The following ALCAM variants were observed in gnomAD, a reference collection of about 807,000 sequenced individuals.
ALCAM encodes CD166 antigen.
Under a neutral mutation model 70.9 loss-of-function variants are expected in ALCAM, and 30 were observed. The ratio of observed to expected loss-of-function variants is 0.42; its 90% CI spans 0.32 to 0.57. The LOEUF (loss-of-function observed/expected upper bound fraction) is 0.57. ALCAM is among the 20% of genes least tolerant of loss of function. ALCAM has a pLI of 0.11. For missense variants in ALCAM, 591 were observed against 695.1 expected (o/e 0.85, Z 1.68); for synonymous variants, 249 against 242.5 (o/e 1.03, Z -0.25).
intron 10 of ALCAM, 49 bp from the exon 11 acceptor site, chr3:105,547,341 T>C (rs1452115195): frequency 6.3e-7 from 1 of 1,576,114 alleles, no homozygotes; most frequent in Admixed American, 1.9e-5. Context: ...TTTACCTGGT[T>C]TCTTTTATGA....
At position 105,535,759 on chromosome 3, in the gene ALCAM, A is replaced by C. The variant is rs921621337; in HGVS notation, c.730+914A>C. Among the ~76,000 whole-genome samples, 6 of 152,152 alleles carry C rather than the reference A, an allele frequency of 3.9e-5. No homozygotes were observed. The East Asian group carries it at 5.8e-4, about 15-fold the overall frequency. On this transcript the variant is annotated intron_variant, in intron 6 of 15. Coordinates refer to ENST00000306107, the MANE Select transcript of ALCAM (RefSeq NM_001627.4). ...AAATGCAATAAAGGATTTTCTTCTTATTATTAATTTATCTAAAATTTTTGT... is the reference window on the plus strand; with the variant it reads ...AAATGCAATAAAGGATTTTCTTCTTCTTATTAATTTATCTAAAATTTTTGT...
At chr3:105,546,806 T>G (rs1940259152) in intron 9 of ALCAM, among the ~76,000 whole-genome samples, 1 of 151,430 alleles carries the variant, frequency 6.6e-6, no homozygotes, top group Non-Finnish European at 1.5e-5. Context: ...AGTTGCCTGC[T>G]TAGGAGCATT....
intron 1 of ALCAM, among the ~76,000 whole-genome samples, chr3:105,490,259 C>T (rs779822254): frequency 5.3e-5 from 8 of 152,184 alleles, no homozygotes; most frequent in Non-Finnish European, 8.8e-5. Context: ...TCCATTCCTA[C>T]CCTTTCACAA....
At chr3:105,465,545 G>C (rs1937693925) in intron 1 of ALCAM, among the ~76,000 whole-genome samples, 1 of 151,438 alleles carries the variant, frequency 6.6e-6, no homozygotes, top group African/African-American at 2.4e-5. Context: ...GATTGGACTA[G>C]TTTGTTACCA....
intron 14 of ALCAM, among the ~76,000 whole-genome samples, chr3:105,571,112 G>A (rs1468345155): frequency 2.6e-5 from 4 of 152,172 alleles, no homozygotes; most frequent in Admixed American, 2.6e-4. Context: ...AGCCGCTAAG[G>A]CATTGGTTTT....
intron 3 of ALCAM, among the ~76,000 whole-genome samples, chr3:105,526,167 G>A (rs193098189): frequency 1.8e-4 from 27 of 151,772 alleles, no homozygotes; most frequent in Admixed American, 1.3e-3. Flanking sequence ...TCATTGTCAG[G>A]TTTCATTTTT....
At chr3:105,493,005 C>T (rs542959893) in intron 1 of ALCAM, among the ~76,000 whole-genome samples, 1 of 152,052 alleles carries the variant, frequency 6.6e-6, no homozygotes, top group African/African-American at 2.4e-5. Flanking sequence ...AAATTAAGTA[C>T]TTTAGATATT....
intron 1 of ALCAM, among the ~76,000 whole-genome samples, chr3:105,468,199 T>C (rs9637375): frequency 0.19 from 28,273 of 151,328 alleles, 2,806 homozygotes; most frequent in East Asian, 0.37. Flanking sequence ...ACCAAACTCT[T>C]GGCTTTGCCG....
At chr3:105,548,722 G>C (rs1940314901) in intron 11 of ALCAM, among the ~76,000 whole-genome samples, 1 of 151,424 alleles carries the variant, frequency 6.6e-6, no homozygotes, top group African/African-American at 2.4e-5. Flanking sequence ...CATATAAGAG[G>C]AGGCAAAGAA....
intron 14 of ALCAM, 195 bp downstream of exon 14, chr3:105,552,780 A>G: frequency 2.1e-6 from 3 of 1,397,012 alleles, no homozygotes; most frequent in East Asian, 2.7e-5. Flanking sequence ...GGCTTGGGAT[A>G]CTGTTTCACA....
At chr3:105,459,455 G>A (rs1304468863) in intron 1 of ALCAM, among the ~76,000 whole-genome samples, 3 of 151,924 alleles carry the variant, frequency 2.0e-5, no homozygotes, top group Non-Finnish European at 4.4e-5. Context: ...ATGACAAATA[G>A]TACATGTTCA....
At chr3:105,500,167 C>A (rs1938878268) in intron 1 of ALCAM, among the ~76,000 whole-genome samples, 1 of 151,146 alleles carries the variant, frequency 6.6e-6, no homozygotes, top group South Asian at 2.1e-4. Context: ...CCACCAGTTT[C>A]CACATTATTT....
At chr3:105,413,157 T>C (rs1280183917) in intron 1 of ALCAM, among the ~76,000 whole-genome samples, 2 of 152,220 alleles carry the variant, frequency 1.3e-5, no homozygotes, top group Middle Eastern at 3.4e-3. Flanking sequence ...CTCCATTTCT[T>C]CGACTGTAAA....
At position 105,462,058 on chromosome 3, in the gene ALCAM, C is replaced by A. The variant is rs187100344; in HGVS notation, c.74-58009C>A. On this transcript the variant is annotated intron_variant, in intron 1 of 15. Coordinates refer to ENST00000306107, the MANE Select transcript of ALCAM (RefSeq NM_001627.4). Reference sequence around the variant, plus strand: ...AATTTTGAATATGGACATACTATATCAAGAGCAAATAGTTGTGCCAATATT... The same window carrying A: ...AATTTTGAATATGGACATACTATATAAAGAGCAAATAGTTGTGCCAATATT... 4.6e-3 allele frequency among the ~76,000 whole-genome samples: 692 copies of A among 151,638 alleles called. 6 individuals carry two copies. The highest frequency in any genetic ancestry group is 6.4e-3 in the South Asian group (31 of 4,816).
At chr3:105,379,239 A>G (rs1475161454) in intron 1 of ALCAM, among the ~76,000 whole-genome samples, 1 of 151,938 alleles carries the variant, frequency 6.6e-6, no homozygotes, top group Non-Finnish European at 1.5e-5. Flanking sequence ...TTTTTCAGTA[A>G]CCTAATAATA....
intron 11 of ALCAM, 21 bp from the exon 12 acceptor site, chr3:105,550,106 C>T (rs1940355682): frequency 3.2e-6 from 5 of 1,568,894 alleles, no homozygotes; most frequent in Middle Eastern, 1.7e-4. Flanking sequence ...TCTAAACCCA[C>T]CTTTTTTCTT....
At chr3:105,473,571 A>T (rs1391837864) in intron 1 of ALCAM, among the ~76,000 whole-genome samples, 1 of 151,654 alleles carries the variant, frequency 6.6e-6, no homozygotes, top group Non-Finnish European at 1.5e-5. Context: ...ACATAGCTGG[A>T]TAAGAATTAC....
intron 6 of ALCAM, among the ~76,000 whole-genome samples, chr3:105,536,071 G>A (rs138730699): frequency 4.0e-4 from 60 of 151,446 alleles, no homozygotes; most frequent in African/African-American, 1.3e-3. Flanking sequence ...ACTTTTTTAG[G>A]TGAAGGCAGA....
chr3:105,453,121 A>G (rs914510366), intron 1 of ALCAM, among the ~76,000 whole-genome samples: 2 of 152,094 alleles, frequency 1.3e-5, no homozygotes, highest in Non-Finnish European at 2.9e-5. Context: ...AATTACTTTT[A>G]GCATTTTTGT....
Sources: gnomAD v4.1 joint callset for allele counts (sites outside exome capture counted in the v4.1 genomes callset) on GRCh38, gnomAD v4.1.1 for gene constraint, MANE v1.5 for transcripts, NCBI Gene and HGNC (gene_info 2026-07-23, HGNC 2026-07-21) for gene names.